Variants in USP9X observed in about 807,000 individuals in gnomAD.
The protein encoded by USP9X is ubiquitin specific peptidase 9 X-linked, also known as ubiquitin carboxyl-terminal hydrolase 9X.
Under a neutral mutation model 190.3 loss-of-function variants are expected in USP9X, and 7 were observed. That is an observed-to-expected ratio of 0.04 (90% CI 0.02 to 0.07). The LOEUF is 0.07. Ranked by LOEUF, USP9X falls within the 10% of genes least tolerant of loss-of-function variation. The pLI, the probability that USP9X is intolerant of heterozygous loss-of-function variation, is 1.00. For missense variants in USP9X, 1,010 were observed against 1,916.9 expected (o/e 0.53, Z 8.83); for synonymous variants, 645 against 659.5 (o/e 0.98, Z 0.34).
chrX:41,110,225 AG>A (rs1406906252), intron 1 of USP9X, among the ~76,000 whole-genome samples: 1 of 112,057 alleles, frequency 8.9e-6, no homozygotes, highest in East Asian at 2.8e-4. Flanking sequence ...GCACCACCAC[AG>A]CCAGCTAATT....
At chrX:41,175,203 A>G (rs1299401203) in intron 21 of USP9X, among the ~76,000 whole-genome samples, 1 of 111,493 alleles carries the variant, frequency 9.0e-6, no homozygotes, top group East Asian at 2.8e-4. Flanking sequence ...TTCTTTCAGC[A>G]CTTGTGTGCT....
At position 41,223,345 on chromosome X, in the gene USP9X, G is replaced by A; in HGVS notation, c.6694G>A (p.Val2232Met). 1 of 1,211,868 alleles carries A rather than the reference G, an allele frequency of 8.3e-7. No homozygotes were observed. Among genetic ancestry groups the A allele is most frequent in the Non-Finnish European group, 1.1e-6 (1 of 895,446 alleles). Residue 2232 changes from valine to methionine, a missense_variant, in exon 39 of 45, where the codon GTG (valine) becomes ATG (methionine). Transcript: ENST00000378308. ...YAELGKLYSV[V>M]SQLIRCCNVS... Reference sequence around the variant, plus strand: ...TGAATTAGGCAAATTATACTCAGTAGTGTCACAGCTGATCCGCTGTTGCAA... The same window carrying A: ...TGAATTAGGCAAATTATACTCAGTAATGTCACAGCTGATCCGCTGTTGCAA...
Position 41,196,285 on chromosome X carries a change from T to C in USP9X, c.4012T>C (p.Leu1338=), listed in dbSNP as rs1200587747. 3 of 1,210,523 alleles carry C rather than the reference T, an allele frequency of 2.5e-6. No individual in the cohort carries two copies. Among genetic ancestry groups the C allele is most frequent in the Non-Finnish European group, 3.4e-6 (3 of 895,425 alleles). ...VRQVAQEQFF[L]MCTRCCMGHR... is the part of the protein sequence containing the mutation. ...TCAGGTGGCACAGGAGCAGTTCTTT[T>C]TAATGTGCACCAGATGTTGCATGGG... The change falls in exon 27 of 45, where the codon TTA becomes CTA. Residue 1338 remains leucine, a synonymous_variant. Coordinates refer to ENST00000378308, the MANE Select transcript of USP9X (RefSeq NM_001039591.3).
chrX:41,106,613 C>G (rs1444180305), intron 1 of USP9X, among the ~76,000 whole-genome samples: 1 of 98,945 alleles, frequency 1.0e-5, no homozygotes, highest in Non-Finnish European at 2.0e-5. Flanking sequence ...TCACTGCAAC[C>G]TCCACCTCCT....
intron 21 of USP9X, among the ~76,000 whole-genome samples, chrX:41,180,136 G>A (rs372600998): frequency 5.3e-5 from 6 of 112,191 alleles, no homozygotes; most frequent in African/African-American, 1.9e-4. Flanking sequence ...TAAACACCTT[G>A]TTGGGCTTCT....
chrX:41,226,028 T>C (rs1412736471), intron 41 of USP9X, among the ~76,000 whole-genome samples: 1 of 112,517 alleles, frequency 8.9e-6, no homozygotes, highest in Non-Finnish European at 1.9e-5. Flanking sequence ...GCTAGGAACG[T>C]TTGTGTTGGA....
chrX:41,175,436 A>T (rs777788133), intron 21 of USP9X, among the ~76,000 whole-genome samples: 151 of 110,367 alleles, frequency 1.4e-3, no homozygotes, highest in African/African-American at 4.7e-3. Flanking sequence ...TGGGAGGATC[A>T]CTTGAGCCTG....
At chrX:41,086,951 AG>A (rs775720308) in intron 1 of USP9X, among the ~76,000 whole-genome samples, 4 of 112,783 alleles carry the variant, frequency 3.5e-5, no homozygotes, top group Admixed American at 9.3e-5. Flanking sequence ...GTTATACAGC[AG>A]GTGTGTAGAT....
intron 15 of USP9X, among the ~76,000 whole-genome samples, chrX:41,163,633 G>T (rs2062652813): frequency 9.2e-6 from 1 of 108,625 alleles, no homozygotes; most frequent in African/African-American, 3.4e-5. Flanking sequence ...TTCACCTGTA[G>T]TCCCGGGTAC....
At position 41,233,053 on chromosome X, in the gene USP9X, C is replaced by T. The variant is rs1459747025; in HGVS notation, c.*529C>T. On this transcript the variant is annotated 3_prime_UTR_variant, in exon 45 of 45. Transcript: ENST00000378308. Reference sequence around the variant, plus strand: ...CTATGAGCAATGTAAGGCTGGTAACCTTTAAATTATTTGGTTGATGTGGAA... The same window carrying T: ...CTATGAGCAATGTAAGGCTGGTAACTTTTAAATTATTTGGTTGATGTGGAA... 8.9e-6 allele frequency: 1 copy of T among 112,397 alleles called. No homozygotes were observed. Among genetic ancestry groups the T allele is most frequent in the African/African-American group, 3.2e-5 (1 of 30,924 alleles). 9.3% of individuals were successfully genotyped at this position (112,397 alleles called of 1,213,427 possible).
At chrX:41,131,243 CT>C (rs946455288) in intron 3 of USP9X, among the ~76,000 whole-genome samples, 2 of 111,433 alleles carry the variant, frequency 1.8e-5, no homozygotes, top group African/African-American at 6.5e-5. Context: ...ATTGCTGTAT[CT>C]TTTGACAGTA....
chrX:41,196,074 A>T, intron 26 of USP9X, 177 bp from the exon 27 acceptor site: 2 of 528,994 alleles, frequency 3.8e-6, no homozygotes, highest in Non-Finnish European at 6.6e-6. Flanking sequence ...AAGTTCATGT[A>T]TTATGTGGTG....
chrX:41,196,840 C>A, intron 28 of USP9X, 102 bp downstream of exon 28: 2 of 685,189 alleles, frequency 2.9e-6, no homozygotes, highest in Non-Finnish European at 4.2e-6. Flanking sequence ...TGGAAAACTC[C>A]AAAGATTGAT....
At chrX:41,118,928 G>T (rs1370358298) in intron 1 of USP9X, among the ~76,000 whole-genome samples, 1 of 111,461 alleles carries the variant, frequency 9.0e-6, no homozygotes, top group Non-Finnish European at 1.9e-5. Context: ...AGCCAAGGAA[G>T]CTCAGAGTTT....
At chrX:41,114,402 G>T (rs958679997) in intron 1 of USP9X, among the ~76,000 whole-genome samples, 1 of 111,156 alleles carries the variant, frequency 9.0e-6, no homozygotes, top group African/African-American at 3.3e-5. Context: ...GTAAACAGAT[G>T]ATGTAATTTT....
At chrX:41,214,058 C>T (rs1325054893) in intron 33 of USP9X, among the ~76,000 whole-genome samples, 1 of 112,430 alleles carries the variant, frequency 8.9e-6, no homozygotes, top group Non-Finnish European at 1.9e-5. Flanking sequence ...AGCTCCTTCT[C>T]AGGTTGCTAA....
At chrX:41,151,283 T>C (rs1223766688) in intron 13 of USP9X, among the ~76,000 whole-genome samples, 7 of 111,234 alleles carry the variant, frequency 6.3e-5, no homozygotes, top group Admixed American at 3.8e-4. Context: ...CAAGGTAATA[T>C]TGCCTTTGGG....
intron 26 of USP9X, among the ~76,000 whole-genome samples, chrX:41,190,266 T>C (rs2062919831): frequency 9.0e-6 from 1 of 111,579 alleles, no homozygotes; most frequent in African/African-American, 3.3e-5. Context: ...GTTTTAAAAA[T>C]GTACATGCTG....
At chrX:41,213,308 AAAAG>A (rs1489207846) in intron 33 of USP9X, among the ~76,000 whole-genome samples, 1 of 111,161 alleles carries the variant, frequency 9.0e-6, no homozygotes, top group Non-Finnish European at 1.9e-5. Context: ...TTAAAAACAA[AAAAG>A]AAAGAAACTC....
Sources: allele counts gnomAD v4.1 joint callset (sites outside exome capture counted in the v4.1 genomes callset), GRCh38; gene constraint gnomAD v4.1.1; transcripts MANE v1.5; gene names NCBI Gene and HGNC (gene_info 2026-07-23, HGNC 2026-07-21).